Variants in SPATA16 observed in about 807,000 individuals in gnomAD.
SPATA16 encodes the protein spermatogenesis-associated protein 16.
SPATA16 carries 36 observed loss-of-function variants against 63.3 expected under a neutral mutation model. That is an observed-to-expected ratio of 0.57 (90% CI 0.44 to 0.75). The LOEUF (loss-of-function observed/expected upper bound fraction) is 0.75. Among genes scored for constraint, SPATA16 ranks in the 30% least tolerant of loss-of-function variants. SPATA16 has a pLI of 0.00. For synonymous variants in SPATA16, 203 were observed against 216.7 expected (o/e 0.94, Z 0.56); for missense variants, 646 against 679.3 (o/e 0.95, Z 0.54).
At chr3:172,986,840 G>C (rs2108258198) in intron 4 of SPATA16, among the ~76,000 whole-genome samples, 1 of 152,236 alleles carries the variant, frequency 6.6e-6, no homozygotes, top group Non-Finnish European at 1.5e-5. Context: ...AAGACTGGAG[G>C]TGGGAGGTGA....
At chr3:172,960,794 G>A (rs1427405793) in intron 5 of SPATA16, among the ~76,000 whole-genome samples, 1 of 152,088 alleles carries the variant, frequency 6.6e-6, no homozygotes, top group African/African-American at 2.4e-5. Context: ...GAGCACTCAA[G>A]GTAGCCAGAA....
intron 4 of SPATA16, among the ~76,000 whole-genome samples, chr3:172,980,956 A>G (rs762775578): frequency 6.6e-6 from 1 of 152,174 alleles, no homozygotes; most frequent in Non-Finnish European, 1.5e-5. Context: ...CAGCAGGGCT[A>G]TCATTCCCAC....
intron 2 of SPATA16, among the ~76,000 whole-genome samples, chr3:173,080,089 C>A (rs1296977695): frequency 6.6e-6 from 1 of 152,140 alleles, no homozygotes; most frequent in Non-Finnish European, 1.5e-5. Context: ...GTTTTAATTT[C>A]TTTCTTCTTG....
intron 4 of SPATA16, among the ~76,000 whole-genome samples, chr3:173,009,608 G>C (rs1735016710): frequency 6.6e-6 from 1 of 152,212 alleles, no homozygotes; most frequent in Admixed American, 6.5e-5. Flanking sequence ...CATGCCCTTA[G>C]GATAGCTGCA....
At chr3:173,065,265 T>G (rs1736488741) in intron 2 of SPATA16, among the ~76,000 whole-genome samples, 1 of 152,072 alleles carries the variant, frequency 6.6e-6, no homozygotes, top group Admixed American at 6.6e-5. Flanking sequence ...AAACACTTTT[T>G]TTTTTTTAAA....
intron 3 of SPATA16, among the ~76,000 whole-genome samples, chr3:173,047,223 A>G (rs1338205298): frequency 6.7e-6 from 1 of 149,770 alleles, no homozygotes; most frequent in East Asian, 1.9e-4. Context: ...TTTTTACTGA[A>G]TTCTTGTTTA....
chr3:172,927,021 TTGTC>T (rs1277006816), intron 6 of SPATA16, among the ~76,000 whole-genome samples: 1 of 152,242 alleles, frequency 6.6e-6, no homozygotes, highest in African/African-American at 2.4e-5. Context: ...CCTTCACTAT[TTGTC>T]TGTAATACTT....
intron 4 of SPATA16, among the ~76,000 whole-genome samples, chr3:172,980,228 G>A (rs1734267311): frequency 6.6e-6 from 1 of 152,190 alleles, no homozygotes; most frequent in African/African-American, 2.4e-5. Context: ...ATAATTAATT[G>A]ATCAACCCAT....
chr3:173,053,960 G>T (rs923556444), intron 2 of SPATA16, among the ~76,000 whole-genome samples: 1 of 151,900 alleles, frequency 6.6e-6, no homozygotes, highest in Non-Finnish European at 1.5e-5. Context: ...TATACGTTTT[G>T]CATTTTTGTA....
chr3:173,114,906 T>C (rs1362879240), intron 2 of SPATA16, among the ~76,000 whole-genome samples: 1 of 152,210 alleles, frequency 6.6e-6, no homozygotes, highest in Non-Finnish European at 1.5e-5. Flanking sequence ...CTTTGTTTTT[T>C]TGAGATATTC....
chr3:172,900,120 CTGA>C (rs1732097003), intron 10 of SPATA16, among the ~76,000 whole-genome samples: 1 of 152,048 alleles, frequency 6.6e-6, no homozygotes, highest in Non-Finnish European at 1.5e-5. Flanking sequence ...GGTAGGTTTT[CTGA>C]TGATGAATTC....
At chr3:172,909,298 T>C (rs376844409) in intron 10 of SPATA16, among the ~76,000 whole-genome samples, 1 of 152,164 alleles carries the variant, frequency 6.6e-6, no homozygotes, top group South Asian at 2.1e-4. Context: ...TAATCCTTCA[T>C]TGAGAGGAGG....
chr3:172,982,122 T>C (rs1319188272), intron 4 of SPATA16, among the ~76,000 whole-genome samples: 2 of 152,196 alleles, frequency 1.3e-5, no homozygotes, highest in Non-Finnish European at 2.9e-5. Context: ...CATTATCTTA[T>C]TTATTTATAT....
chr3:173,099,428 G>A (rs1312880721), intron 2 of SPATA16, among the ~76,000 whole-genome samples: 1 of 152,140 alleles, frequency 6.6e-6, no homozygotes, highest in Admixed American at 6.5e-5. Context: ...AAAAAACATA[G>A]TATATATAGA....
Position 172,913,701 on chromosome 3 carries a change from C to T in SPATA16, c.1547G>A (p.Arg516Lys), listed in dbSNP as rs1732420233. Residue 516 changes from arginine (R) to lysine (K), a missense_variant, in exon 10 of 11, where the codon AGA (arginine) becomes AAA (lysine). Transcript: ENST00000351008. The part of the protein sequence containing the change: ...MADAMDTLEG[R>K]RNNNERVWNM... ...CCACACACGTTCATTATTGTTTCTTCTTCCTTCAAGGGTGTCCATAGCATC... is the reference window on the plus strand; with the variant it reads ...CCACACACGTTCATTATTGTTTCTTTTTCCTTCAAGGGTGTCCATAGCATC... The T allele has an allele frequency of 6.2e-7, 1 of 1,613,656 alleles. No homozygotes were observed. Among genetic ancestry groups the T allele is most frequent in the African/African-American group, 1.3e-5 (1 of 74,896 alleles).
chr3:173,044,366 C>T (rs570483719), intron 3 of SPATA16, among the ~76,000 whole-genome samples: 1 of 152,244 alleles, frequency 6.6e-6, no homozygotes, highest in South Asian at 2.1e-4. Context: ...TTAGCATTCT[C>T]CAAACTGATG....
intron 5 of SPATA16, among the ~76,000 whole-genome samples, chr3:172,975,272 AAGGTCTT>A (rs1270521594): frequency 6.6e-6 from 1 of 152,166 alleles, no homozygotes; most frequent in Non-Finnish European, 1.5e-5. Context: ...CGAAACTTCC[AAGGTCTT>A]ACTTTGTCTT....
intron 2 of SPATA16, among the ~76,000 whole-genome samples, chr3:173,087,720 G>A (rs936120326): frequency 1.8e-4 from 28 of 152,098 alleles, no homozygotes; most frequent in African/African-American, 6.5e-4. Context: ...GAGGCCTGGT[G>A]GTGATGAATT....
chr3:173,001,535 T>C (rs1449263628), intron 4 of SPATA16, among the ~76,000 whole-genome samples: 1 of 152,144 alleles, frequency 6.6e-6, no homozygotes, highest in African/African-American at 2.4e-5. Flanking sequence ...CTCTCAGAGG[T>C]AAAACCTTAA....
Sources: allele counts gnomAD v4.1 joint callset (sites outside exome capture counted in the v4.1 genomes callset), GRCh38; gene constraint gnomAD v4.1.1; transcripts MANE v1.5; gene names NCBI Gene and HGNC (gene_info 2026-07-23, HGNC 2026-07-21).